Variants in MERTK observed in about 807,000 individuals in gnomAD.
MERTK encodes MER proto-oncogene, tyrosine kinase.
MERTK carries 69 observed loss-of-function variants against 99.3 expected under a neutral mutation model. That is an observed-to-expected ratio of 0.70 (90% CI 0.57 to 0.85). MERTK has a LOEUF of 0.85. Ranked by LOEUF, MERTK falls within the 40% of genes least tolerant of loss-of-function variation. MERTK has a pLI of 0.00. For synonymous variants in MERTK, 426 were observed against 467.6 expected (o/e 0.91, Z 1.15); for missense variants, 1,125 against 1,249.4 (o/e 0.90, Z 1.50).
At chr2:111,987,533 A>G (rs1213223266) in intron 8 of MERTK, among the ~76,000 whole-genome samples, 1 of 152,178 alleles carries the variant, frequency 6.6e-6, no homozygotes, top group Non-Finnish European at 1.5e-5. Flanking sequence ...CATTTGTGGC[A>G]CTATGGATTT....
chr2:112,023,095 TAGAG>T (rs1252415328), intron 18 of MERTK, among the ~76,000 whole-genome samples: 5 of 151,822 alleles, frequency 3.3e-5, no homozygotes, highest in Non-Finnish European at 1.5e-5. Flanking sequence ...CTGGGCAACA[TAGAG>T]AGACCCTGTC....
At chr2:111,942,235 C>T (rs1292174155) in intron 2 of MERTK, among the ~76,000 whole-genome samples, 1 of 152,220 alleles carries the variant, frequency 6.6e-6, no homozygotes, top group Non-Finnish European at 1.5e-5. Flanking sequence ...TGTTGAGCCC[C>T]TGGGTCTTGC....
intron 2 of MERTK, among the ~76,000 whole-genome samples, chr2:111,935,212 A>G (rs1684743761): frequency 6.6e-6 from 1 of 152,172 alleles, no homozygotes. Context: ...TTTTCCGGCA[A>G]TTCATTATTT....
intron 10 of MERTK, among the ~76,000 whole-genome samples, chr2:111,997,896 A>G (rs1676785824): frequency 6.6e-6 from 1 of 152,232 alleles, no homozygotes; most frequent in Non-Finnish European, 1.5e-5. Context: ...TACAGAAAAT[A>G]CAAAAATTAG....
At position 111,915,366 on chromosome 2, in the gene MERTK, T is replaced by C. The variant is rs1684331587; in HGVS notation, c.62-13754T>C. On this transcript the variant is annotated intron_variant, in intron 1 of 18. Transcript: ENST00000295408. ...CATTGATTCTGTATTGCTTTTTTTT[T>C]CATTTTCTTTTTTTATCTATTATTT... is the stretch of plus-strand genomic sequence containing the variant. 2.0e-5 allele frequency among the ~76,000 whole-genome samples: 3 copies of C among 152,178 alleles called. No homozygotes were observed. The South Asian group carries it at 6.2e-4, about 32-fold the overall frequency.
At chr2:111,975,638 T>C (rs944698690) in intron 7 of MERTK, among the ~76,000 whole-genome samples, 166 bp downstream of exon 7, 1 of 152,216 alleles carries the variant, frequency 6.6e-6, no homozygotes, top group African/African-American at 2.4e-5. Flanking sequence ...ATTTCCTCCA[T>C]ACTGTAAAAG....
chr2:111,915,621 G>A (rs1684337026), intron 1 of MERTK, among the ~76,000 whole-genome samples: 1 of 151,922 alleles, frequency 6.6e-6, no homozygotes, highest in Non-Finnish European at 1.5e-5. Flanking sequence ...TAGAAGTTTA[G>A]TTTGCGGCTG....
intron 7 of MERTK, among the ~76,000 whole-genome samples, chr2:111,976,917 A>G (rs1334125691): frequency 6.6e-6 from 1 of 152,028 alleles, no homozygotes; most frequent in African/African-American, 2.4e-5. Flanking sequence ...CCTTCAAGTG[A>G]TTTATACCAT....
At chr2:112,023,150 C>T (rs1386391160) in intron 18 of MERTK, among the ~76,000 whole-genome samples, 1 of 152,144 alleles carries the variant, frequency 6.6e-6, no homozygotes, top group Non-Finnish European at 1.5e-5. Context: ...TGCGGTGGCT[C>T]ACGCTTGTAA....
Position 111,947,410 on chromosome 2 carries a change from TA to T in MERTK, c.602del (p.Lys201SerfsTer6), listed in dbSNP as rs1558782407. The T allele has an allele frequency of 6.2e-7, 1 of 1,614,106 alleles. No individual in the cohort carries two copies. The highest frequency in any genetic ancestry group is 8.5e-7 in the Non-Finnish European group (1 of 1,180,014). ...IEVQGLPHFTKQPESMNVTRN... is the reference protein window; with the variant it reads ...IEVQGLPHFTXQPESMNVTRN... ...TCTCCGCAGGACTTCCTCACTTTAC[TA>T]AGCAGCCTGAGAGCATGAATGTCAC... On this transcript the variant is annotated frameshift_variant, in exon 4 of 19. Transcript: ENST00000295408. LOFTEE classifies it high-confidence loss of function.
intron 1 of MERTK, among the ~76,000 whole-genome samples, chr2:111,911,911 A>G (rs1368183847): frequency 2.7e-5 from 4 of 149,504 alleles, no homozygotes; most frequent in Non-Finnish European, 6.0e-5. Flanking sequence ...CTGGTCTCTA[A>G]CTCCTGGGGT....
intron 2 of MERTK, among the ~76,000 whole-genome samples, chr2:111,931,558 C>T (rs549789189): frequency 3.3e-5 from 5 of 152,144 alleles, no homozygotes; most frequent in East Asian, 3.9e-4. Flanking sequence ...TGGTGGCGCA[C>T]GCCTATAGTC....
At chr2:111,923,419 C>T (rs1684501664) in intron 1 of MERTK, among the ~76,000 whole-genome samples, 1 of 152,186 alleles carries the variant, frequency 6.6e-6, no homozygotes, top group African/African-American at 2.4e-5. Context: ...TGCAGGGGTG[C>T]TGCACCACAC....
At chr2:112,023,369 G>A (rs1170509683) in intron 18 of MERTK, among the ~76,000 whole-genome samples, 2 of 151,982 alleles carry the variant, frequency 1.3e-5, no homozygotes, top group South Asian at 2.1e-4. Flanking sequence ...AGCTGAGATC[G>A]TGCCACTGCA....
rs913971460 is a variant in MERTK at position 111,898,802 on chromosome 2, T to C, written c.61+6T>C. 5.0e-6 allele frequency: 8 copies of C among 1,586,124 alleles called. No homozygotes were observed. Among genetic ancestry groups the C allele is most frequent in the African/African-American group, 2.7e-5 (2 of 74,390 alleles). On this transcript the variant is annotated splice_donor_region_variant and intron_variant, in intron 1 of 18. Coordinates refer to ENST00000295408, the MANE Select transcript of MERTK (RefSeq NM_006343.3). ...CCCCGCGCTCTGGCGTAGAGGTGAG[T>C]GCGCCCGGCTGGGGGCCAGGCGAGG...
intron 2 of MERTK, 145 bp downstream of exon 2, chr2:111,929,685 C>A: frequency 3.6e-6 from 2 of 561,902 alleles, no homozygotes; most frequent in South Asian, 4.3e-5. Flanking sequence ...CTCCTGAGTT[C>A]AAACGATTCT....
chr2:111,988,969 T>C (rs758339046), intron 8 of MERTK, among the ~76,000 whole-genome samples: 1 of 152,044 alleles, frequency 6.6e-6, no homozygotes, highest in Non-Finnish European at 1.5e-5. Context: ...GTGAGAAAGA[T>C]AATATGCTCA....
chr2:111,924,829 C>G (rs1482908987), intron 1 of MERTK, among the ~76,000 whole-genome samples: 1 of 152,076 alleles, frequency 6.6e-6, no homozygotes, highest in African/African-American at 2.4e-5. Context: ...CCCTGGCAGC[C>G]CCAGGCACCT....
intron 1 of MERTK, among the ~76,000 whole-genome samples, chr2:111,921,515 A>AG (rs1399051717): frequency 6.6e-6 from 1 of 152,002 alleles, no homozygotes. Flanking sequence ...AAAAAAAAAA[A>AG]AAGCCTTTCT....
Sources: allele counts gnomAD v4.1 joint callset (sites outside exome capture counted in the v4.1 genomes callset), GRCh38; gene constraint gnomAD v4.1.1; transcripts MANE v1.5; gene names NCBI Gene and HGNC (gene_info 2026-07-23, HGNC 2026-07-21).